Variants in DOCK3 observed in about 807,000 individuals in gnomAD.
DOCK3 encodes the protein dedicator of cytokinesis protein 3.
A neutral mutation model predicts 265.6 loss-of-function variants in DOCK3; 60 were observed. The ratio of observed to expected loss-of-function variants is 0.23; its 90% CI spans 0.18 to 0.28. The LOEUF (loss-of-function observed/expected upper bound fraction) is 0.28, where lower values mean the gene tolerates loss of function less well. Ranked by LOEUF, DOCK3 falls within the 10% of genes least tolerant of loss-of-function variation. The pLI is 1.00. For synonymous variants in DOCK3, 881 were observed against 938.0 expected, an observed-to-expected ratio of 0.94 and a Z score of 1.11; for missense variants, 1,981 against 2,594.3, an observed-to-expected ratio of 0.76 and a Z score of 5.14.
chr3:51,283,027 C>T (rs1352725712), intron 27 of DOCK3, among the ~76,000 whole-genome samples: 1 of 152,188 alleles, frequency 6.6e-6, no homozygotes, highest in Non-Finnish European at 1.5e-5. Flanking sequence ...GCAAGTTTAG[C>T]TTAACATGTG....
Position 51,381,688 on chromosome 3 carries a change from C to T in DOCK3, c.*129C>T, listed in dbSNP as rs1559446160. 7.7e-7 allele frequency: 1 copy of T among 1,294,628 alleles called. No homozygotes were observed. Among genetic ancestry groups the T allele is most frequent in the African/African-American group, 1.5e-5 (1 of 66,938 alleles). The allele number at this position is 1,294,628 out of a possible 1,614,324, so 80.2% of individuals were successfully genotyped here. A position where few individuals can be genotyped will look rare whatever the true frequency, so the allele number is the denominator to read the frequency against. ...CTTGCACTCAGGAGAGAACCACCCC[C>T]AAGTCTCCGTTCTACTGCCGTGAAC... On this transcript the variant is annotated 3_prime_UTR_variant, in exon 53 of 53. Coordinates refer to ENST00000266037, the MANE Select transcript of DOCK3 (RefSeq NM_004947.5). The surrounding 1 kb of genome is among the most constrained non-coding windows in gnomAD (Gnocchi z 5.6).
At chr3:51,328,508 C>T (rs11712785) in intron 32 of DOCK3, among the ~76,000 whole-genome samples, 4,746 of 151,982 alleles carry the variant, frequency 0.031, 113 homozygotes, top group Non-Finnish European at 0.049. Flanking sequence ...CGGCTTCAAT[C>T]CCTAAGGACC....
In DOCK3 at chr3:51,151,067, C is replaced by T. The variant is rs561132807; in HGVS notation, c.828+4437C>T. ...GATTCATTTACCATTATGTAATGCCCTTCTTTGTCTCTTTTGATCTTTATT... is the reference window on the plus strand; with the variant it reads ...GATTCATTTACCATTATGTAATGCCTTTCTTTGTCTCTTTTGATCTTTATT... On this transcript the variant is annotated intron_variant, in intron 10 of 52. Transcript: ENST00000266037. Among the ~76,000 whole-genome samples, 13 of 151,740 alleles carry T rather than the reference C, an allele frequency of 8.6e-5. No homozygotes were observed. The South Asian group carries it at 2.7e-3, about 32-fold the overall frequency.
intron 51 of DOCK3, among the ~76,000 whole-genome samples, chr3:51,377,370 T>C (rs2088221929): frequency 6.6e-6 from 1 of 152,248 alleles, no homozygotes; most frequent in Non-Finnish European, 1.5e-5. Context: ...GAACTATACA[T>C]ACTTGTCATC....
At chr3:50,779,906 G>T (rs1439785900) in intron 2 of DOCK3, among the ~76,000 whole-genome samples, 1 of 152,180 alleles carries the variant, frequency 6.6e-6, no homozygotes, top group East Asian at 1.9e-4. Context: ...TGGACTAGCA[G>T]TTCAGTACGG....
chr3:51,262,747 C>A (rs1235480780), intron 23 of DOCK3, among the ~76,000 whole-genome samples: 3 of 152,160 alleles, frequency 2.0e-5, no homozygotes, highest in Non-Finnish European at 4.4e-5. Flanking sequence ...AGCTGAAAAA[C>A]ACAGCACAAG....
chr3:50,999,747 A>G (rs2078408866), intron 5 of DOCK3, among the ~76,000 whole-genome samples: 1 of 152,184 alleles, frequency 6.6e-6, no homozygotes, highest in South Asian at 2.1e-4. Flanking sequence ...GGTAAATGGC[A>G]ATTCAGTCCT....
intron 4 of DOCK3, among the ~76,000 whole-genome samples, chr3:50,925,624 T>G (rs903100821): frequency 6.6e-6 from 1 of 152,166 alleles, no homozygotes; most frequent in Non-Finnish European, 1.5e-5. Context: ...CAGGGTAGTC[T>G]TCTTTGTGTC....
intron 4 of DOCK3, among the ~76,000 whole-genome samples, chr3:50,930,369 C>T (rs919460333): frequency 2.6e-5 from 4 of 152,222 alleles, no homozygotes; most frequent in Non-Finnish European, 5.9e-5. Context: ...TGGGCGGCTG[C>T]AGCCTCACTG....
At chr3:50,736,154 GT>G (rs1308414189) in intron 1 of DOCK3, among the ~76,000 whole-genome samples, 1 of 151,758 alleles carries the variant, frequency 6.6e-6, no homozygotes, top group African/African-American at 2.4e-5. Flanking sequence ...TGCAGTGTTT[GT>G]TTTTTTTGTC....
intron 5 of DOCK3, among the ~76,000 whole-genome samples, chr3:50,986,362 CT>C (rs968973519): frequency 2.6e-5 from 4 of 152,194 alleles, no homozygotes; most frequent in Admixed American, 2.6e-4. Flanking sequence ...GCCTGATAGC[CT>C]GTGACATACT....
At chr3:51,039,824 A>G (rs1274532972) in intron 5 of DOCK3, among the ~76,000 whole-genome samples, 1 of 150,528 alleles carries the variant, frequency 6.6e-6, no homozygotes, top group African/African-American at 2.4e-5. Context: ...TACTGCAGAA[A>G]TTCTGAATAG....
intron 12 of DOCK3, among the ~76,000 whole-genome samples, chr3:51,187,237 G>C (rs1173533569): frequency 6.6e-6 from 1 of 152,210 alleles, no homozygotes; most frequent in Non-Finnish European, 1.5e-5. Context: ...AGTCAAAGGA[G>C]ATCATTTTGG....
chr3:50,847,882 C>CAAAAAAA lies in DOCK3; in HGVS notation c.162+6182_162+6188dup, dbSNP rs3043428. Among the ~76,000 whole-genome samples, 617 of 97,564 alleles carry CAAAAAAA rather than the reference C, an allele frequency of 6.3e-3. 24 individuals are homozygous for CAAAAAAA. Among genetic ancestry groups the CAAAAAAA allele is most frequent in the African/African-American group, 0.024 (580 of 23,770 alleles). 64.0% of individuals were successfully genotyped at this position (97,564 alleles called of 152,430 possible). On this transcript the variant is annotated intron_variant, in intron 3 of 52. Transcript: ENST00000266037. ...TGGGTGACAGAACGAGGCTCCATTT[C>CAAAAAAA]AAAAAAAAAAAAAAAAAAAAATCCC...
chr3:51,277,925 G>A (rs1210554076), intron 26 of DOCK3, 171 bp downstream of exon 26: 2 of 985,210 alleles, frequency 2.0e-6, no homozygotes, highest in African/African-American at 3.5e-5. Flanking sequence ...TCTCTACTCT[G>A]AAAGCTCTAG....
chr3:51,044,201 G>T (rs2080660310), intron 5 of DOCK3, among the ~76,000 whole-genome samples: 1 of 152,132 alleles, frequency 6.6e-6, no homozygotes, highest in Admixed American at 6.5e-5. Context: ...TGATAGATTG[G>T]ATAAAGAAAA....
intron 38 of DOCK3, among the ~76,000 whole-genome samples, chr3:51,346,548 A>T (rs904609298): frequency 3.3e-5 from 5 of 152,232 alleles, no homozygotes; most frequent in Non-Finnish European, 7.3e-5. Context: ...ATTGATGGAC[A>T]TCTGGGTTGG....
intron 22 of DOCK3, among the ~76,000 whole-genome samples, chr3:51,250,076 A>G (rs1560285288): frequency 6.6e-6 from 1 of 151,890 alleles, no homozygotes; most frequent in Non-Finnish European, 1.5e-5. Context: ...TGAAGGCAGC[A>G]TGCTCATTAA....
At chr3:50,972,951 A>C (rs1022875636) in intron 5 of DOCK3, among the ~76,000 whole-genome samples, 1 of 139,544 alleles carries the variant, frequency 7.2e-6, no homozygotes, top group Non-Finnish European at 1.5e-5. Context: ...GAATAATGTC[A>C]TTGGTATTTT....
Sources: allele counts gnomAD v4.1 joint callset (sites outside exome capture counted in the v4.1 genomes callset), GRCh38; gene constraint gnomAD v4.1.1; non-coding constraint Gnocchi (gnomAD v3.1); transcripts MANE v1.5; gene names NCBI Gene and HGNC (gene_info 2026-07-23, HGNC 2026-07-21).